The following KPNA4 variants were observed in gnomAD, a reference collection of about 807,000 sequenced individuals.
KPNA4 encodes importin subunit alpha-3.
KPNA4 carries 13 observed loss-of-function variants against 71.3 expected under a neutral mutation model. The observed-to-expected ratio is 0.18, with a 90% CI of 0.12 to 0.29. The LOEUF is 0.29. Among genes scored for constraint, KPNA4 ranks in the 10% least tolerant of loss-of-function variants. The probability of loss-of-function intolerance (pLI) is 1.00; values close to 1 mark genes in which losing one functional copy is unlikely to be tolerated. For missense variants in KPNA4, 334 were observed against 603.2 expected (o/e 0.55, Z 4.67); for synonymous variants, 189 against 195.2 (o/e 0.97, Z 0.26).
intron 1 of KPNA4, among the ~76,000 whole-genome samples, chr3:160,554,657 A>G (rs532255840): frequency 2.2e-4 from 33 of 152,160 alleles, no homozygotes; most frequent in African/African-American, 7.9e-4. Flanking sequence ...CCACCCTCCA[A>G]CCTCTGGGGA....
chr3:160,506,526 C>T (rs938473171), intron 15 of KPNA4, among the ~76,000 whole-genome samples: 7 of 152,056 alleles, frequency 4.6e-5, no homozygotes, highest in African/African-American at 1.7e-4. Context: ...GGCTTCATTC[C>T]CCAGATATCC....
chr3:160,514,312 A>C lies in KPNA4; in HGVS notation c.1033-131T>G, dbSNP rs925737929. On this transcript the variant is annotated intron_variant, in intron 12 of 16. Transcript: ENST00000334256. The stretch of plus-strand genomic sequence containing the variant: ...TGAGCTCCATAATAAAAATCTCAGG[A>C]ATCTCAATTCCTTTACACCCCTTTC... The C allele has an allele frequency of 5.6e-5, 33 of 593,520 alleles. No homozygotes were observed. The African/African-American group carries it at 5.6e-4, about 10-fold the overall frequency. The allele number at this position is 593,520 out of a possible 1,614,324, so 36.8% of individuals were successfully genotyped here.
At chr3:160,520,790 CT>C (rs1318335263) in intron 11 of KPNA4, among the ~76,000 whole-genome samples, 1 of 152,146 alleles carries the variant, frequency 6.6e-6, no homozygotes, top group Admixed American at 6.5e-5. Flanking sequence ...ATGACTTAGG[CT>C]ACAGACTAAC....
chr3:160,516,194 G>A (rs1439329389), intron 11 of KPNA4, among the ~76,000 whole-genome samples: 1 of 151,790 alleles, frequency 6.6e-6, no homozygotes, highest in African/African-American at 2.4e-5. Context: ...GTTTTGCCAC[G>A]TTGGCCAGGC....
Position 160,498,571 on chromosome 3 carries a change from G to A in KPNA4, c.*3533C>T, listed in dbSNP as rs1421862449. 1 of 152,230 alleles carries A rather than the reference G, an allele frequency of 6.6e-6. No individual in the cohort carries two copies. Among genetic ancestry groups the A allele is most frequent in the Non-Finnish European group, 1.5e-5 (1 of 68,062 alleles). 9.4% of individuals were successfully genotyped at this position (152,230 alleles called of 1,614,324 possible). The stretch of plus-strand genomic sequence containing the variant: ...GGTTAATCAAAAGGGAGATCACCCT[G>A]GTGGGTAGGTGGCCTGATCTAATCA... On this transcript the variant is annotated 3_prime_UTR_variant, in exon 17 of 17. Coordinates refer to ENST00000334256, the MANE Select transcript of KPNA4 (RefSeq NM_002268.5).
chr3:160,548,563 G>A (rs1352688653), intron 1 of KPNA4, among the ~76,000 whole-genome samples: 1 of 151,964 alleles, frequency 6.6e-6, no homozygotes, highest in Non-Finnish European at 1.5e-5. Context: ...ATTTTTTTGT[G>A]TGTGACTGGC....
At chr3:160,508,600 T>C (rs1721032009) in intron 14 of KPNA4, among the ~76,000 whole-genome samples, 1 of 140,018 alleles carries the variant, frequency 7.1e-6, no homozygotes, top group Admixed American at 6.9e-5. Flanking sequence ...AGGCTGTTAA[T>C]GGAGGCTGTA....
chr3:160,545,310 G>C (rs1385867762), intron 1 of KPNA4, among the ~76,000 whole-genome samples: 3 of 152,186 alleles, frequency 2.0e-5, no homozygotes, highest in Non-Finnish European at 4.4e-5. Context: ...ATACTAAACA[G>C]ATGTATGCAT....
At chr3:160,536,614 T>C (rs1003505956) in intron 2 of KPNA4, among the ~76,000 whole-genome samples, 182 bp downstream of exon 2, 3 of 152,054 alleles carry the variant, frequency 2.0e-5, no homozygotes, top group Non-Finnish European at 2.9e-5. Context: ...CTCCTTTTTC[T>C]AAAGAAAAAT....
In KPNA4 at chr3:160,535,520, C is replaced by T; in HGVS notation, c.280G>A (p.Ala94Thr). The T allele has an allele frequency of 6.3e-7, 1 of 1,599,820 alleles. No homozygotes were observed. The highest frequency in any genetic ancestry group is 8.5e-7 in the Non-Finnish European group (1 of 1,172,856). The change falls in exon 5 of 17, where the codon GCT (alanine) becomes ACT (threonine). Residue 94 changes from alanine (A) to threonine (T), a missense_variant. Coordinates refer to ENST00000334256, the MANE Select transcript of KPNA4 (RefSeq NM_002268.5). ...NQGIQLSAVQ[A>T]ARKLLSSDRN... is the part of the protein sequence containing the mutation. ...CTTCCAAATTCAACTTACCTAGCAGCTTGAACTGCACTTAATTGAATTCCT... is the reference window on the plus strand; with the variant it reads ...CTTCCAAATTCAACTTACCTAGCAGTTTGAACTGCACTTAATTGAATTCCT...
At position 160,499,665 on chromosome 3, in the gene KPNA4, A is replaced by G. The variant is rs1206495265; in HGVS notation, c.*2439T>C. 6.6e-6 allele frequency: 1 copy of G among 152,166 alleles called. No homozygotes were observed. Among genetic ancestry groups the G allele is most frequent in the Admixed American group, 6.5e-5 (1 of 15,272 alleles). The allele number at this position is 152,166 out of a possible 1,614,324, so 9.4% of individuals were successfully genotyped here. On this transcript the variant is annotated 3_prime_UTR_variant, in exon 17 of 17. Transcript: ENST00000334256. ...GTAGTCCTTATACCCAGAGATATTA[A>G]TATCACCCTTACCTATTTTCCATAT...
At chr3:160,541,688 C>T (rs1311373042) in intron 1 of KPNA4, among the ~76,000 whole-genome samples, 1 of 151,272 alleles carries the variant, frequency 6.6e-6, no homozygotes, top group African/African-American at 2.4e-5. Context: ...CACACGCCTT[C>T]CCTCCCCAAC....
In KPNA4 at chr3:160,554,651, C is replaced by A. The variant is rs890419376; in HGVS notation, c.69+10563G>T. 3.9e-5 allele frequency among the ~76,000 whole-genome samples: 6 copies of A among 152,120 alleles called. No homozygotes were observed. In the South Asian group the frequency reaches 1.0e-3, roughly 26 times the overall value. The stretch of plus-strand genomic sequence containing the variant: ...AGAGAATTGGCACTTTCAGCCCCAC[C>A]CTCCAACCTCTGGGGAGGGAAAAGG... On this transcript the variant is annotated intron_variant, in intron 1 of 16. Transcript: ENST00000334256.
chr3:160,508,660 TCTCA>T (rs1211044713), intron 14 of KPNA4, among the ~76,000 whole-genome samples: 8 of 151,876 alleles, frequency 5.3e-5, no homozygotes, highest in African/African-American at 1.9e-4. Flanking sequence ...AGAGATGGGG[TCTCA>T]CTATGTTGCG....
chr3:160,509,724 C>T, intron 14 of KPNA4, 76 bp downstream of exon 14: 1 of 1,039,288 alleles, frequency 9.6e-7, no homozygotes, highest in South Asian at 1.3e-5. Context: ...TTATAACTTA[C>T]TCAAATCTAA....
At position 160,565,395 on chromosome 3, in the gene KPNA4, G is replaced by GCGC. The variant is rs1478094394; in HGVS notation, c.-116_-114dup. On this transcript the variant is annotated 5_prime_UTR_variant, in exon 1 of 17. Coordinates refer to ENST00000334256, the MANE Select transcript of KPNA4 (RefSeq NM_002268.5). Reference sequence around the variant, plus strand: ...CGCCGCCTGAGCTGCTGTGCCCGCCGCGCCGCCGCTTCCTTCCTCCTCTCA... The same window carrying GCGC: ...CGCCGCCTGAGCTGCTGTGCCCGCCGCGCCGCCGCCGCTTCCTTCCTCCTCTCA... 6.0e-6 allele frequency: 5 copies of GCGC among 827,466 alleles called. No individual in the cohort carries two copies. The highest frequency in any genetic ancestry group is 7.7e-6 in the Non-Finnish European group (4 of 521,266). 51.3% of individuals were successfully genotyped at this position (827,466 alleles called of 1,614,324 possible).
Position 160,496,519 on chromosome 3 carries a change from A to G in KPNA4, c.*5585T>C, listed in dbSNP as rs1296905286. Reference sequence around the variant, plus strand: ...ATATTAGAGTAACATAGTCTAGGATAGGAATCCATCAGTTATGGAGATCAG... The same window carrying G: ...ATATTAGAGTAACATAGTCTAGGATGGGAATCCATCAGTTATGGAGATCAG... On this transcript the variant is annotated 3_prime_UTR_variant, in exon 17 of 17. Coordinates refer to ENST00000334256, the MANE Select transcript of KPNA4 (RefSeq NM_002268.5). 1 of 152,254 alleles carries G rather than the reference A, an allele frequency of 6.6e-6. No individual in the cohort carries two copies. The highest frequency in any genetic ancestry group is 1.5e-5 in the Non-Finnish European group (1 of 68,048). The allele number at this position is 152,254 out of a possible 1,614,324, so 9.4% of individuals were successfully genotyped here. A position where few individuals can be genotyped will look rare whatever the true frequency, so the allele number is the denominator to read the frequency against.
intron 5 of KPNA4, among the ~76,000 whole-genome samples, chr3:160,534,384 C>T (rs1295531134): frequency 6.6e-6 from 1 of 152,102 alleles, no homozygotes; most frequent in East Asian, 1.9e-4. Context: ...GATTTTTCTG[C>T]CTCTTCCCTT....
At chr3:160,509,310 T>TTTG (rs959742792) in intron 14 of KPNA4, among the ~76,000 whole-genome samples, 1 of 152,198 alleles carries the variant, frequency 6.6e-6, no homozygotes, top group African/African-American at 2.4e-5. Flanking sequence ...CTTTTTACTT[T>TTTG]TTGTTGTTGT....
Sources: gnomAD v4.1 joint callset for allele counts (sites outside exome capture counted in the v4.1 genomes callset) on GRCh38, gnomAD v4.1.1 for gene constraint, MANE v1.5 for transcripts, NCBI Gene and HGNC (gene_info 2026-07-23, HGNC 2026-07-21) for gene names.